The following PELI2 variants were observed in gnomAD, a reference collection of about 807,000 sequenced individuals.
The protein encoded by PELI2 is pellino E3 ubiquitin protein ligase family member 2.
PELI2 carries 23 observed loss-of-function variants against 42.3 expected under a neutral mutation model. The ratio of observed to expected loss-of-function variants is 0.54; its 90% confidence interval spans 0.39 to 0.77. The LOEUF is 0.77. Among genes scored for constraint, PELI2 ranks in the 30% least tolerant of loss-of-function variants. The pLI, the probability that PELI2 is intolerant of heterozygous loss-of-function variation, is 0.00. For missense variants in PELI2, 463 were observed against 553.2 expected (o/e 0.84, Z 1.64); for synonymous variants, 245 against 212.2 (o/e 1.15, Z -1.34).
Position 56,273,283 on chromosome 14 carries a change from T to G in PELI2, c.208-6393T>G, listed in dbSNP as rs1309016630. On this transcript the variant is annotated intron_variant, in intron 2 of 5. Transcript: ENST00000267460. The surrounding 1 kb of genome is among the most constrained non-coding windows in gnomAD (Gnocchi z 4.3). ...CCTAGTGGCATGTACGTAGTCAGGC[T>G]TCTTGCCCACAGCTGGGAACCCCCA... 6.6e-5 allele frequency among the ~76,000 whole-genome samples: 10 copies of G among 152,338 alleles called. No individual in the cohort carries two copies. In the East Asian group the frequency reaches 1.7e-3, roughly 26 times the overall value.
At chr14:56,139,237 G>C (rs1883809298) in intron 1 of PELI2, among the ~76,000 whole-genome samples, 1 of 152,116 alleles carries the variant, frequency 6.6e-6, no homozygotes, top group Non-Finnish European at 1.5e-5. Context: ...AAGGAAGGTG[G>C]AGGAGGAGGG....
chr14:56,176,179 G>A (rs1885375743), intron 1 of PELI2, among the ~76,000 whole-genome samples: 1 of 152,244 alleles, frequency 6.6e-6, no homozygotes, highest in African/African-American at 2.4e-5. Context: ...TGGAGTTAAG[G>A]AATAGATGCC....
intron 1 of PELI2, among the ~76,000 whole-genome samples, chr14:56,151,488 A>C (rs1884351500): frequency 6.6e-6 from 1 of 152,164 alleles, no homozygotes; most frequent in South Asian, 2.1e-4. Context: ...TCTTCAATGC[A>C]TTGTGTGACC....
In PELI2 at chr14:56,210,942, T is replaced by C. The variant is rs141683817; in HGVS notation, c.207+32478T>C. Among the ~76,000 whole-genome samples, 807 of 152,304 alleles carry C rather than the reference T, an allele frequency of 5.3e-3. 3 individuals are homozygous for C. Among genetic ancestry groups the C allele is most frequent in the Middle Eastern group, 0.014 (4 of 294 alleles). ...ACTAAAAATAACTTTTGAATAACTT[T>C]TGCTGTTCCTTTTGGTGGTAGGTAT... is the stretch of plus-strand genomic sequence containing the variant. On this transcript the variant is annotated intron_variant, in intron 2 of 5. Coordinates refer to ENST00000267460, the MANE Select transcript of PELI2 (RefSeq NM_021255.3).
chr14:56,161,565 G>A (rs564497552), intron 1 of PELI2, among the ~76,000 whole-genome samples: 4 of 152,242 alleles, frequency 2.6e-5, no homozygotes, highest in South Asian at 4.1e-4. Context: ...GAGCCACAGC[G>A]CCTGGCTGGG....
intron 2 of PELI2, among the ~76,000 whole-genome samples, chr14:56,237,007 T>TC (rs1566656904): frequency 6.6e-6 from 1 of 152,014 alleles, no homozygotes; most frequent in East Asian, 1.9e-4. Context: ...CCTGGGCTTT[T>TC]CCCCCTGCTC....
chr14:56,283,713 T>A (rs748287512), intron 3 of PELI2, among the ~76,000 whole-genome samples: 22 of 152,224 alleles, frequency 1.4e-4, no homozygotes, highest in Non-Finnish European at 3.2e-4. Context: ...GTCACTGAGC[T>A]CTTCATTCTC....
intron 1 of PELI2, among the ~76,000 whole-genome samples, chr14:56,130,509 T>G (rs956948417): frequency 6.6e-6 from 1 of 152,118 alleles, no homozygotes; most frequent in Admixed American, 6.6e-5. Context: ...GTGTAAAACT[T>G]CACTCATTCA....
At chr14:56,211,667 A>G (rs981346807) in intron 2 of PELI2, among the ~76,000 whole-genome samples, 1 of 152,232 alleles carries the variant, frequency 6.6e-6, no homozygotes, top group African/African-American at 2.4e-5. Context: ...ACTTACATCA[A>G]AGTTTTAGAG....
chr14:56,152,836 T>G (rs1307777215), intron 1 of PELI2, among the ~76,000 whole-genome samples: 3 of 152,248 alleles, frequency 2.0e-5, no homozygotes, highest in East Asian at 3.8e-4. Context: ...TGAAATTCAT[T>G]TCCAGTTGAT....
At chr14:56,261,168 A>G (rs1282132655) in intron 2 of PELI2, among the ~76,000 whole-genome samples, 1 of 152,016 alleles carries the variant, frequency 6.6e-6, no homozygotes, top group Non-Finnish European at 1.5e-5. Context: ...TGTAAAGGAG[A>G]TTCTAAAAAC....
At chr14:56,156,294 C>T (rs1006431841) in intron 1 of PELI2, among the ~76,000 whole-genome samples, 2 of 152,072 alleles carry the variant, frequency 1.3e-5, no homozygotes, top group South Asian at 4.1e-4. Context: ...GCTTCAACCC[C>T]AAGCAAAATA....
chr14:56,177,902 G>A (rs1477018141), intron 1 of PELI2, among the ~76,000 whole-genome samples: 1 of 152,150 alleles, frequency 6.6e-6, no homozygotes, highest in Non-Finnish European at 1.5e-5. Context: ...CATTAACATG[G>A]TTTGAAAGTG....
intron 1 of PELI2, among the ~76,000 whole-genome samples, chr14:56,156,700 T>C (rs1386117475): frequency 6.6e-6 from 1 of 152,262 alleles, no homozygotes; most frequent in East Asian, 1.9e-4. Flanking sequence ...GAAGTATGGC[T>C]AGTATGGAGA....
chr14:56,134,111 G>GT lies in PELI2; in HGVS notation c.77+15375dup, dbSNP rs1168769923. ...TAAAATTCTTCAGCACATAAATATA[G>GT]TAAGTACTCATTGACAATTGACTGT... is the stretch of plus-strand genomic sequence containing the variant. On this transcript the variant is annotated intron_variant, in intron 1 of 5. Coordinates refer to ENST00000267460, the MANE Select transcript of PELI2 (RefSeq NM_021255.3). 9.9e-5 allele frequency among the ~76,000 whole-genome samples: 15 copies of GT among 152,252 alleles called. No homozygotes were observed. In the East Asian group the frequency reaches 2.5e-3, roughly 26 times the overall value.
chr14:56,123,232 G>A (rs1436656075), intron 1 of PELI2, among the ~76,000 whole-genome samples: 1 of 149,196 alleles, frequency 6.7e-6, no homozygotes, highest in African/African-American at 2.5e-5. Context: ...TGTTGTTGCT[G>A]TAACCTCAGC....
chr14:56,231,476 A>G (rs1470614780), intron 2 of PELI2, among the ~76,000 whole-genome samples: 1 of 152,256 alleles, frequency 6.6e-6, no homozygotes, highest in Non-Finnish European at 1.5e-5. Flanking sequence ...GCTCAACTAC[A>G]TGGAAACTGA....
chr14:56,175,656 T>C (rs1885348405), intron 1 of PELI2, among the ~76,000 whole-genome samples: 1 of 152,252 alleles, frequency 6.6e-6, no homozygotes, highest in Non-Finnish European at 1.5e-5. Flanking sequence ...TATTATTTGC[T>C]TAACCTGCAA....
At chr14:56,222,510 C>T (rs1206417963) in intron 2 of PELI2, among the ~76,000 whole-genome samples, 1 of 152,180 alleles carries the variant, frequency 6.6e-6, no homozygotes, top group African/African-American at 2.4e-5. Context: ...CATGTATTTC[C>T]ATTAAAACAG....
Sources: gnomAD v4.1 joint callset for allele counts (sites outside exome capture counted in the v4.1 genomes callset) on GRCh38, gnomAD v4.1.1 for gene constraint, Gnocchi (gnomAD v3.1) non-coding constraint, MANE v1.5 for transcripts, NCBI Gene and HGNC (gene_info 2026-07-23, HGNC 2026-07-21) for gene names.